PCDH11Y: variants seen among roughly 807,000 people sequenced by gnomAD.
PCDH11Y encodes the protein protocadherin-11 Y-linked.
For missense variants in PCDH11Y, 12 were observed against 224.8 expected (o/e 0.05, Z 6.05); for synonymous variants, 9 against 83.6 (o/e 0.11, Z 4.87).
intron 2 of PCDH11Y, among the ~76,000 whole-genome samples, chrY:5,441,084 C>A (rs1333265081): frequency 3.1e-5 from 1 of 32,256 alleles, no homozygotes; most frequent in Non-Finnish European, 7.6e-5. Flanking sequence ...AATATGAAGT[C>A]TCTCATCAGT....
chrY:5,186,784 A>G (rs1602882486), intron 2 of PCDH11Y, among the ~76,000 whole-genome samples: 2 of 27,902 alleles, frequency 7.2e-5, no homozygotes, highest in East Asian at 2.0e-3. Flanking sequence ...AAACAAAATC[A>G]CACCCTTCCA....
At chrY:5,480,843 A>G in intron 2 of PCDH11Y, among the ~76,000 whole-genome samples, 1 of 33,831 alleles carries the variant, frequency 3.0e-5, no homozygotes, top group Middle Eastern at 0.014. Context: ...CCTCCTTAGC[A>G]CTGTCAGGGG....
chrY:5,177,750 G>A (rs2052895319), intron 2 of PCDH11Y, among the ~76,000 whole-genome samples: 1 of 32,302 alleles, frequency 3.1e-5, no homozygotes, highest in Admixed American at 2.9e-4. Flanking sequence ...GGTGGTTAAT[G>A]GGTATGAAAA....
chrY:5,061,100 T>C, intron 1 of PCDH11Y, among the ~76,000 whole-genome samples: 2 of 32,898 alleles, frequency 6.1e-5, no homozygotes, highest in African/African-American at 1.2e-4. Flanking sequence ...GTTTAAAATA[T>C]AAGTAAAAAT....
At chrY:5,338,220 A>G in intron 2 of PCDH11Y, 13 of 325,006 alleles carry the variant, frequency 4.0e-5, no homozygotes, top group Non-Finnish European at 5.9e-5. Context: ...TTGATGTAGA[A>G]TTGGCGGATG....
At chrY:5,349,742 A>G (rs2053155857) in intron 2 of PCDH11Y, among the ~76,000 whole-genome samples, 45 of 34,229 alleles carry the variant, frequency 1.3e-3, no homozygotes, top group African/African-American at 4.7e-3. Context: ...AAATATGAAA[A>G]TATATTAACA....
At chrY:5,162,001 G>T (rs1411987749) in intron 2 of PCDH11Y, among the ~76,000 whole-genome samples, 17 of 32,040 alleles carry the variant, frequency 5.3e-4, no homozygotes, top group Non-Finnish European at 1.2e-3. Flanking sequence ...AGGAGACAGA[G>T]ATGGTTAGAA....
At chrY:5,345,308 AT>A (rs2053150843) in intron 2 of PCDH11Y, among the ~76,000 whole-genome samples, 1 of 33,807 alleles carries the variant, frequency 3.0e-5, no homozygotes, top group South Asian at 6.6e-4. Flanking sequence ...CTTCTCAGGC[AT>A]AAATGATTTA....
At chrY:5,461,901 T>C (rs2053303979) in intron 2 of PCDH11Y, among the ~76,000 whole-genome samples, 1 of 33,570 alleles carries the variant, frequency 3.0e-5, no homozygotes, top group Non-Finnish European at 7.4e-5. Flanking sequence ...TTATCTATAT[T>C]GTAGTATATA....
At chrY:5,114,742 A>G (rs2124639276) in intron 2 of PCDH11Y, among the ~76,000 whole-genome samples, 11 of 32,056 alleles carry the variant, frequency 3.4e-4, no homozygotes, top group African/African-American at 9.7e-4. Context: ...CCGGCCAAGA[A>G]CACAATTTTA....
chrY:5,415,931 G>GT lies in PCDH11Y; in HGVS notation c.3130-85117dup, dbSNP rs747855657. Among the ~76,000 whole-genome samples, 15 of 28,663 alleles carry GT rather than the reference G, an allele frequency of 5.2e-4. No individual in the cohort carries two copies. The East Asian group carries it at 7.5e-3, about 14-fold the overall frequency. The allele number at this position is 28,663 out of a possible 37,273, so 76.9% of individuals were successfully genotyped here. Reference sequence around the variant, plus strand: ...CTAGGAGTCTGGGTTCACTTTTTTTGTTTTTTTTTGTTTTTTGTTTTTTGT... The same window carrying GT: ...CTAGGAGTCTGGGTTCACTTTTTTTGTTTTTTTTTTGTTTTTTGTTTTTTGT... On this transcript the variant is annotated intron_variant, in intron 2 of 4. Transcript: ENST00000400457.
intron 2 of PCDH11Y, among the ~76,000 whole-genome samples, chrY:5,257,740 G>A: frequency 3.1e-5 from 1 of 32,603 alleles, no homozygotes; most frequent in Non-Finnish European, 7.5e-5. Context: ...TTCATCAGAG[G>A]TATTGGCTTG....
At chrY:5,017,035 C>T in intron 1 of PCDH11Y, among the ~76,000 whole-genome samples, 1 of 33,229 alleles carries the variant, frequency 3.0e-5, no homozygotes, top group African/African-American at 1.2e-4. Context: ...GCAAACATAC[C>T]TTTAAAGGTC....
At chrY:5,557,412 G>A in intron 3 of PCDH11Y, among the ~76,000 whole-genome samples, 1 of 32,873 alleles carries the variant, frequency 3.0e-5, no homozygotes, top group Non-Finnish European at 7.5e-5. Flanking sequence ...GGTATTTTAT[G>A]TTTTTGGTGG....
chrY:5,481,098 A>G (rs2124685776), intron 2 of PCDH11Y, among the ~76,000 whole-genome samples: 1 of 32,534 alleles, frequency 3.1e-5, no homozygotes, highest in African/African-American at 1.2e-4. Flanking sequence ...TGGGGTAGGA[A>G]AAAGACTCTT....
intron 3 of PCDH11Y, among the ~76,000 whole-genome samples, chrY:5,537,040 C>T (rs73612980): frequency 4.7e-4 from 15 of 31,888 alleles, no homozygotes; most frequent in African/African-American, 1.5e-3. Context: ...TTTGGCTATG[C>T]GGGCTCTTTT....
At chrY:5,497,236 G>T in intron 2 of PCDH11Y, among the ~76,000 whole-genome samples, 1 of 33,214 alleles carries the variant, frequency 3.0e-5, no homozygotes, top group Non-Finnish European at 7.4e-5. Flanking sequence ...CTTCCACAAT[G>T]GTTGAACTAA....
At chrY:5,179,576 G>T in intron 2 of PCDH11Y, among the ~76,000 whole-genome samples, 2 of 33,527 alleles carry the variant, frequency 6.0e-5, no homozygotes, top group African/African-American at 2.3e-4. Context: ...CATTCTGTAG[G>T]CTGTCTCTGT....
At chrY:5,154,177 A>G (rs2052866972) in intron 2 of PCDH11Y, among the ~76,000 whole-genome samples, 1 of 31,482 alleles carries the variant, frequency 3.2e-5, no homozygotes, top group Non-Finnish European at 7.7e-5. Flanking sequence ...CAGAGCTGGT[A>G]GCCCTGTCAC....
Sources: gnomAD v4.1 joint callset for allele counts (sites outside exome capture counted in the v4.1 genomes callset) on GRCh38, gnomAD v4.1.1 for gene constraint, MANE v1.5 for transcripts, NCBI Gene and HGNC (gene_info 2026-07-23, HGNC 2026-07-21) for gene names.